Variants in CFAP97 observed in about 807,000 individuals in gnomAD.
The protein encoded by CFAP97 is cilia- and flagella-associated protein 97.
CFAP97 carries 36 observed loss-of-function variants against 43.1 expected under a neutral mutation model. The observed-to-expected ratio is 0.84, with a 90% confidence interval of 0.64 to 1.10. The LOEUF (loss-of-function observed/expected upper bound fraction) is 1.10, where lower values mean the gene tolerates loss of function less well. Among genes scored for constraint, CFAP97 ranks in the 50% least tolerant of loss-of-function variants. The probability of loss-of-function intolerance (pLI) is 0.00; values close to 1 mark genes in which losing one functional copy is unlikely to be tolerated. For missense variants in CFAP97, 657 were observed against 620.3 expected (o/e 1.06, Z -0.63); for synonymous variants, 228 against 225.7 (o/e 1.01, Z -0.09).
intron 1 of CFAP97, among the ~76,000 whole-genome samples, chr4:185,197,024 A>C (rs759931581): frequency 3.2e-4 from 48 of 149,910 alleles, no homozygotes; most frequent in African/African-American, 9.6e-4. Context: ...GCTTGAATCC[A>C]GGAGGCAGAG....
intron 1 of CFAP97, among the ~76,000 whole-genome samples, chr4:185,199,667 C>T (rs1231444697): frequency 1.3e-5 from 2 of 151,620 alleles, no homozygotes; most frequent in Non-Finnish European, 2.9e-5. Context: ...AAGACTCTGT[C>T]CAAAAAAAAC....
At chr4:185,171,979 AC>A (rs1230220246) in intron 3 of CFAP97, among the ~76,000 whole-genome samples, 2 of 147,746 alleles carry the variant, frequency 1.4e-5, no homozygotes, top group African/African-American at 5.0e-5. Flanking sequence ...GGCTCAGGCA[AC>A]CCTCCTGCCC....
chr4:185,207,993 C>T (rs1737263133), upstream of CFAP97, among the ~76,000 whole-genome samples: 1 of 152,142 alleles, frequency 6.6e-6, no homozygotes, highest in Admixed American at 6.5e-5. Context: ...AGCCACTGTG[C>T]TTTATTTGAA....
In CFAP97 at chr4:185,191,176, T is replaced by C; in HGVS notation, c.21A>G (p.Ile7Met). 6.3e-7 allele frequency: 1 copy of C among 1,583,362 alleles called. No homozygotes were observed. The highest frequency in any genetic ancestry group is 8.6e-7 in the Non-Finnish European group (1 of 1,168,936). Residue 7 changes from isoleucine to methionine, a missense_variant, in exon 2 of 5, where the codon ATA (isoleucine) becomes ATG (methionine). By Grantham distance (10) the Ile-to-Met change is conservative. Coordinates refer to ENST00000458385, the MANE Select transcript of CFAP97 (RefSeq NM_020827.3). ...AAGAATGGTCCACTTCACCTTCTAA[T>C]ATATCTCCAAACTGATCCATGATGG... The part of the protein sequence containing the change: MDQFGD[I>M]LEGEVDHSFF...
Position 185,190,181 on chromosome 4 carries a change from A to G in CFAP97, c.1016T>C (p.Val339Ala), listed in dbSNP as rs1355902381. The G allele has an allele frequency of 6.3e-7, 1 of 1,595,572 alleles. No individual in the cohort carries two copies. ...ATTCAGATCCATTGTGTCATGTAAG[A>G]CTTTCTGTTTATGTCTGTGGTCTAA... ...SSLDHRHKQK[V>A]LHDTMDLNHL... The change falls in exon 2 of 5, where the codon GTC becomes GCC. Residue 339 changes from valine (V) to alanine (A), a missense_variant. Coordinates refer to ENST00000458385, the MANE Select transcript of CFAP97 (RefSeq NM_020827.3).
chr4:185,165,162 T>C (rs1486072740), intron 3 of CFAP97, among the ~76,000 whole-genome samples: 11 of 152,224 alleles, frequency 7.2e-5, no homozygotes. Context: ...TAAAAAGATA[T>C]GTAGCCTGGG....
chr4:185,185,543 G>A (rs1017322581), intron 2 of CFAP97, among the ~76,000 whole-genome samples: 1 of 150,622 alleles, frequency 6.6e-6, no homozygotes, highest in African/African-American at 2.4e-5. Context: ...GCCACCATGA[G>A]TTTGACAGCT....
At chr4:185,168,153 C>T (rs1017793945) in intron 3 of CFAP97, among the ~76,000 whole-genome samples, 1 of 151,918 alleles carries the variant, frequency 6.6e-6, no homozygotes, top group Admixed American at 6.6e-5. Flanking sequence ...ATTTTATATT[C>T]CTTCCTTACA....
chr4:185,161,133 A>C lies in CFAP97; in HGVS notation c.*1665T>G, dbSNP rs1244002768. Reference sequence around the variant, plus strand: ...TAAAGCCTTGGTTTAGTATAGCTCAAGCTTATATACACAGCAGGTATAGTA... The same window carrying C: ...TAAAGCCTTGGTTTAGTATAGCTCACGCTTATATACACAGCAGGTATAGTA... On this transcript the variant is annotated 3_prime_UTR_variant, in exon 5 of 5. Transcript: ENST00000458385. The C allele has an allele frequency of 6.6e-6, 1 of 152,176 alleles. No individual in the cohort carries two copies. Among genetic ancestry groups the C allele is most frequent in the Non-Finnish European group, 1.5e-5 (1 of 68,012 alleles). 9.4% of individuals were successfully genotyped at this position (152,176 alleles called of 1,614,324 possible).
chr4:185,166,003 T>A (rs1204300103), intron 3 of CFAP97, among the ~76,000 whole-genome samples: 1 of 152,134 alleles, frequency 6.6e-6, no homozygotes, highest in African/African-American at 2.4e-5. Flanking sequence ...GCAAAACACA[T>A]GAAGAACCGG....
chr4:185,187,949 T>G (rs1456429187), intron 2 of CFAP97, among the ~76,000 whole-genome samples: 1 of 152,046 alleles, frequency 6.6e-6, no homozygotes, highest in Non-Finnish European at 1.5e-5. Context: ...CAGGCTGGAG[T>G]GCAGTGGCGT....
rs532476600 is a variant in CFAP97 at position 185,168,505 on chromosome 4, G to T, written c.1321-4326C>A. Among the ~76,000 whole-genome samples the T allele has an allele frequency of 2.0e-5, 3 of 151,856 alleles. No homozygotes were observed. In the South Asian group the frequency reaches 6.2e-4, roughly 32 times the overall value. On this transcript the variant is annotated intron_variant, in intron 3 of 4. Coordinates refer to ENST00000458385, the MANE Select transcript of CFAP97 (RefSeq NM_020827.3). ...ACCAGTAATCCCAGCTACTTGGGAG[G>T]CTGAGGCAGGGGAATCACTTGAACC...
Position 185,188,792 on chromosome 4 carries a change from G to A in CFAP97, c.1054+1351C>T, listed in dbSNP as rs549258169. Among the ~76,000 whole-genome samples the A allele has an allele frequency of 3.9e-4, 60 of 152,246 alleles. No individual in the cohort carries two copies. The South Asian group carries it at 7.7e-3, about 19-fold the overall frequency. On this transcript the variant is annotated intron_variant, in intron 2 of 4. Coordinates refer to ENST00000458385, the MANE Select transcript of CFAP97 (RefSeq NM_020827.3). ...AAAACTCTTTAATGCTGAAAGTTCT[G>A]AGAGTCTGAATGAGCATTTATTAGG...
chr4:185,191,259 C>G, intron 1 of CFAP97, 47 bp from the exon 2 acceptor site: 2 of 1,286,032 alleles, frequency 1.6e-6, no homozygotes, highest in Non-Finnish European at 2.1e-6. Flanking sequence ...TTTCCAAATA[C>G]TTTCCATTTG....
chr4:185,176,064 A>AC lies in CFAP97; in HGVS notation c.1055-14dup. On this transcript the variant is annotated splice_polypyrimidine_tract_variant and intron_variant, in intron 2 of 4. Coordinates refer to ENST00000458385, the MANE Select transcript of CFAP97 (RefSeq NM_020827.3). ...AATTGCAGAAAAGCTACAGAAAAGAACAAAAAAAAAAGAGAAAATGGCCAA... is the reference window on the plus strand; with the variant it reads ...AATTGCAGAAAAGCTACAGAAAAGAACCAAAAAAAAAAGAGAAAATGGCCAA... 1 of 1,511,828 alleles carries AC rather than the reference A, an allele frequency of 6.6e-7. No individual in the cohort carries two copies. Among genetic ancestry groups the AC allele is most frequent in the Non-Finnish European group, 8.8e-7 (1 of 1,134,206 alleles). The allele number at this position is 1,511,828 out of a possible 1,614,324, so 93.7% of individuals were successfully genotyped here.
Position 185,184,208 on chromosome 4 carries a change from C to T in CFAP97, c.1054+5935G>A, listed in dbSNP as rs78206880. Among the ~76,000 whole-genome samples the T allele has an allele frequency of 1.3e-3, 200 of 152,274 alleles. 4 individuals carry two copies. In the East Asian group the frequency reaches 0.037, roughly 28 times the overall value. Reference sequence around the variant, plus strand: ...TACCTTAGTTTTACTGAACCCAAATCTGCATTTTAACAGTATCCCTGGGTT... The same window carrying T: ...TACCTTAGTTTTACTGAACCCAAATTTGCATTTTAACAGTATCCCTGGGTT... On this transcript the variant is annotated intron_variant, in intron 2 of 4. Transcript: ENST00000458385.
chr4:185,185,496 T>G (rs986466438), intron 2 of CFAP97, among the ~76,000 whole-genome samples: 3 of 152,166 alleles, frequency 2.0e-5, no homozygotes, highest in Non-Finnish European at 4.4e-5. Context: ...ATTTGAGCTT[T>G]TTAGCAAAAA....
At chr4:185,182,089 C>A (rs962426745) in intron 2 of CFAP97, 7 of 151,978 alleles carry the variant, frequency 4.6e-5, no homozygotes, top group African/African-American at 1.7e-4. Flanking sequence ...GATTTTGAGG[C>A]CATGTATTTC....
intron 2 of CFAP97, among the ~76,000 whole-genome samples, 174 bp downstream of exon 2, chr4:185,189,969 C>T (rs947144889): frequency 2.6e-5 from 4 of 152,014 alleles, no homozygotes; most frequent in East Asian, 3.8e-4. Flanking sequence ...ATAATACAAA[C>T]GATATTCTAG....
Sources: gnomAD v4.1 joint callset for allele counts (sites outside exome capture counted in the v4.1 genomes callset) on GRCh38, gnomAD v4.1.1 for gene constraint, MANE v1.5 for transcripts, NCBI Gene and HGNC (gene_info 2026-07-23, HGNC 2026-07-21) for gene names.